Variants in MAPK10 observed in about 807,000 individuals in gnomAD.
The protein encoded by MAPK10 is mitogen-activated protein kinase 10, also known as JNK3 alpha protein kinase.
Under a neutral mutation model 59.3 loss-of-function variants are expected in MAPK10, and 25 were observed. The ratio of observed to expected loss-of-function variants is 0.42; its 90% CI spans 0.31 to 0.59. MAPK10 has a LOEUF of 0.59. MAPK10 is among the 20% of genes least tolerant of loss of function. MAPK10 has a pLI of 0.15. For synonymous variants in MAPK10, 190 were observed against 200.5 expected (o/e 0.95, Z 0.44); for missense variants, 351 against 568.9 (o/e 0.62, Z 3.90).
At chr4:86,224,144 C>T (rs1400148318) in intron 2 of MAPK10, among the ~76,000 whole-genome samples, 1 of 152,114 alleles carries the variant, frequency 6.6e-6, no homozygotes, top group African/African-American at 2.4e-5. Flanking sequence ...ACAAATGAAA[C>T]TGTTTCAATG....
intron 1 of MAPK10, among the ~76,000 whole-genome samples, chr4:86,417,990 CT>C (rs1394432645): frequency 6.6e-6 from 1 of 152,186 alleles, no homozygotes; most frequent in Non-Finnish European, 1.5e-5. Flanking sequence ...TGAACTAACC[CT>C]TTTCTCTGAA....
chr4:86,291,304 G>C (rs1382616834), intron 2 of MAPK10, among the ~76,000 whole-genome samples: 1 of 152,188 alleles, frequency 6.6e-6, no homozygotes, highest in Non-Finnish European at 1.5e-5. Context: ...TCTACCTTGT[G>C]TAATACCAGT....
intron 13 of MAPK10, among the ~76,000 whole-genome samples, chr4:86,018,725 T>G (rs1180711482): frequency 6.6e-6 from 1 of 152,212 alleles, no homozygotes; most frequent in Non-Finnish European, 1.5e-5. Flanking sequence ...CTTTGTGAAA[T>G]AGCTCGCTAT....
chr4:86,041,202 G>C (rs1375870452), intron 11 of MAPK10, among the ~76,000 whole-genome samples: 3 of 152,032 alleles, frequency 2.0e-5, no homozygotes, highest in Non-Finnish European at 1.5e-5. Context: ...CCTGATCTTC[G>C]ACAAACCTGA....
At chr4:86,058,933 A>G (rs987178093) in intron 11 of MAPK10, among the ~76,000 whole-genome samples, 1 of 152,112 alleles carries the variant, frequency 6.6e-6, no homozygotes, top group East Asian at 1.9e-4. Context: ...TCACTTCATC[A>G]TGGTTGCTGG....
upstream of MAPK10, chr4:86,360,188 T>C: frequency 2.0e-6 from 2 of 985,984 alleles, no homozygotes; most frequent in Non-Finnish European, 2.4e-6. Flanking sequence ...AGGAAGCGTC[T>C]ATGTGCAGCT....
chr4:86,405,771 G>A (rs1334749355), intron 1 of MAPK10, among the ~76,000 whole-genome samples: 2 of 152,158 alleles, frequency 1.3e-5, no homozygotes, highest in African/African-American at 2.4e-5. Flanking sequence ...TTCCTCATCT[G>A]TAATAAGCAA....
intron 1 of MAPK10, among the ~76,000 whole-genome samples, chr4:86,506,951 A>C (rs965959653): frequency 6.6e-6 from 1 of 152,180 alleles, no homozygotes; most frequent in Non-Finnish European, 1.5e-5. Context: ...ATACATAAAA[A>C]TATGAGTATA....
intron 9 of MAPK10, chr4:86,082,028 T>C (rs1194982010): frequency 6.6e-6 from 1 of 152,084 alleles, no homozygotes; most frequent in Non-Finnish European, 1.5e-5. Context: ...ATCTAAAAAA[T>C]ATAATGTTAA....
At chr4:86,532,687 T>C (rs999841059) in intron 1 of MAPK10, among the ~76,000 whole-genome samples, 1 of 152,006 alleles carries the variant, frequency 6.6e-6, no homozygotes, top group Non-Finnish European at 1.5e-5. Flanking sequence ...CTCTCCCTCC[T>C]AGGTATCTGA....
In MAPK10 at chr4:86,577,435, C is replaced by T. The variant is rs569329387; in HGVS notation, c.-263+16475G>A. ...CACACAATAAAGATAAAGAGAATCCCCAGAACAATGATACAAAGAAATTCC... is the reference window on the plus strand; with the variant it reads ...CACACAATAAAGATAAAGAGAATCCTCAGAACAATGATACAAAGAAATTCC... On this transcript the variant is annotated intron_variant, in intron 1 of 4. Coordinates refer to the MAPK10 transcript ENST00000502302. 3.3e-5 allele frequency among the ~76,000 whole-genome samples: 5 copies of T among 151,878 alleles called. No individual in the cohort carries two copies. The South Asian group carries it at 8.4e-4, about 25-fold the overall frequency.
At chr4:86,320,888 G>GA (rs200730272) in intron 2 of MAPK10, among the ~76,000 whole-genome samples, 5 of 151,820 alleles carry the variant, frequency 3.3e-5, no homozygotes, top group Admixed American at 2.6e-4. Flanking sequence ...AAATTTACAA[G>GA]AAAAAAACAA....
chr4:86,328,768 G>A (rs949250807), intron 2 of MAPK10, among the ~76,000 whole-genome samples: 18 of 152,024 alleles, frequency 1.2e-4, no homozygotes, highest in African/African-American at 3.9e-4. Flanking sequence ...ACCAAACACC[G>A]CATATTCTCA....
intron 2 of MAPK10, among the ~76,000 whole-genome samples, chr4:86,292,569 A>T (rs2095257056): frequency 6.6e-6 from 1 of 152,150 alleles, no homozygotes; most frequent in African/African-American, 2.4e-5. Flanking sequence ...ATAAAAATAA[A>T]AAATTAACTG....
At chr4:86,031,456 T>A in intron 11 of MAPK10, 25 bp from the exon 12 acceptor site, 1 of 1,551,110 alleles carries the variant, frequency 6.4e-7, no homozygotes, top group East Asian at 2.2e-5. Context: ...CAAAAAATAA[T>A]CTTTGTGTGA....
At position 86,508,466 on chromosome 4, in the gene MAPK10, T is replaced by C. The variant is rs544802960; in HGVS notation, c.-263+85444A>G. ...CCTTTCTGGTAAAAGACAAGTGTCC[T>C]TCTGGTTTGAGTTATCTGGTTTCTA... is the stretch of plus-strand genomic sequence containing the variant. On this transcript the variant is annotated intron_variant, in intron 1 of 4. Transcript: ENST00000502302. 1.1e-4 allele frequency among the ~76,000 whole-genome samples: 16 copies of C among 152,314 alleles called. No homozygotes were observed. In the East Asian group the frequency reaches 3.1e-3, roughly 29 times the overall value.
chr4:86,129,663 T>C (rs557561008), intron 4 of MAPK10, among the ~76,000 whole-genome samples: 11 of 152,288 alleles, frequency 7.2e-5, no homozygotes, highest in Admixed American at 3.9e-4. Flanking sequence ...CCTGCTCTTG[T>C]ACTCTCTACC....
chr4:86,018,363 A>G (rs909338634), intron 13 of MAPK10, among the ~76,000 whole-genome samples: 1 of 152,092 alleles, frequency 6.6e-6, no homozygotes, highest in African/African-American at 2.4e-5. Context: ...TACAAAAAAA[A>G]AAAAAATAGG....
rs766981310 is a variant in MAPK10, at chr4:86,101,928, A to G, written c.530T>C (p.Ile177Thr). The G allele has an allele frequency of 2.5e-6, 4 of 1,614,092 alleles. No homozygotes were observed. Among genetic ancestry groups the G allele is most frequent in the Non-Finnish European group, 3.4e-6 (4 of 1,179,952 alleles). The change falls in exon 7 of 14, where the codon ATT (isoleucine) becomes ACT (threonine). Residue 177 changes from isoleucine (I) to threonine (T), a missense_variant. Physicochemically the swap from Ile to Thr is moderately conservative, Grantham distance 89. Coordinates refer to ENST00000641462, the MANE Select transcript of MAPK10 (RefSeq NM_138982.4). ...AATTCCAGCAGAATGGAGGTGCTTA[A>G]TGCCACACAACATTTGGTACAGCAG... The part of the protein sequence containing the change: ...SYLLYQMLCG[I>T]KHLHSAGIIH...
Sources: gnomAD v4.1 joint callset for allele counts (sites outside exome capture counted in the v4.1 genomes callset) on GRCh38, gnomAD v4.1.1 for gene constraint, MANE v1.5 for transcripts, NCBI Gene and HGNC (gene_info 2026-07-23, HGNC 2026-07-21) for gene names.